UVRAG: variants seen among roughly 807,000 people sequenced by gnomAD.
The protein encoded by UVRAG is UV radiation resistance associated, also known as UV radiation resistance-associated gene protein.
UVRAG carries 19 observed loss-of-function variants against 78.0 expected under a neutral mutation model. The ratio of observed to expected loss-of-function variants is 0.24; its 90% CI spans 0.17 to 0.36. The LOEUF is 0.36. UVRAG is among the 10% of genes least tolerant of loss of function. UVRAG has a pLI of 1.00. For missense variants in UVRAG, 740 were observed against 853.8 expected, an observed-to-expected ratio of 0.87 and a Z score of 1.66; for synonymous variants, 323 against 324.6, an observed-to-expected ratio of 1.00 and a Z score of 0.05.
intron 1 of UVRAG, among the ~76,000 whole-genome samples, chr11:75,844,903 C>T (rs569670368): frequency 1.3e-5 from 2 of 151,820 alleles, no homozygotes; most frequent in African/African-American, 2.4e-5. Flanking sequence ...TGGGCTCAAG[C>T]GATGTGCCCT....
chr11:76,013,524 G>A (rs1565120016), intron 11 of UVRAG, among the ~76,000 whole-genome samples: 1 of 152,082 alleles, frequency 6.6e-6, no homozygotes, highest in South Asian at 2.1e-4. Context: ...TAGGTGTTAG[G>A]GACGTCATTA....
chr11:76,004,344 C>T (rs912580072), intron 9 of UVRAG, among the ~76,000 whole-genome samples: 1 of 152,212 alleles, frequency 6.6e-6, no homozygotes, highest in Non-Finnish European at 1.5e-5. Flanking sequence ...TCTCAGGCCA[C>T]AGCATCGTGG....
At chr11:76,070,214 T>C (rs1240469802) in intron 13 of UVRAG, among the ~76,000 whole-genome samples, 5 of 152,144 alleles carry the variant, frequency 3.3e-5, no homozygotes. Context: ...AGACAAAGAC[T>C]GTATGATCTC....
chr11:75,913,751 A>G (rs1479731099), intron 6 of UVRAG, among the ~76,000 whole-genome samples: 2 of 152,146 alleles, frequency 1.3e-5, no homozygotes, highest in East Asian at 1.9e-4. Context: ...TAATAGTCTC[A>G]CCTTCCTAAA....
At chr11:75,822,151 C>T (rs1239572534) in intron 1 of UVRAG, among the ~76,000 whole-genome samples, 1 of 151,932 alleles carries the variant, frequency 6.6e-6, no homozygotes, top group South Asian at 2.1e-4. Flanking sequence ...ACCATGTTGG[C>T]CAGGCTGGTC....
chr11:76,091,385 G>C (rs774591678), intron 13 of UVRAG, among the ~76,000 whole-genome samples: 1 of 152,050 alleles, frequency 6.6e-6, no homozygotes, highest in East Asian at 1.9e-4. Context: ...GGCACTCAAT[G>C]GATCTTTTTA....
chr11:75,884,216 CTCTCTCTCTCTCTCTCTCTCTCTT>C (rs1370414432), intron 4 of UVRAG, among the ~76,000 whole-genome samples: 1 of 148,940 alleles, frequency 6.7e-6, no homozygotes, highest in Non-Finnish European at 1.5e-5. Flanking sequence ...AGATCAGTCT[CTCTCTCTCTCTCTCTCTCTCTCTT>C]TCTCTCTCTC....
chr11:75,945,970 C>T (rs896103528), intron 6 of UVRAG, among the ~76,000 whole-genome samples: 10 of 151,978 alleles, frequency 6.6e-5, no homozygotes, highest in Admixed American at 1.3e-4. Flanking sequence ...AGCCCTTACC[C>T]GATGCATGCC....
chr11:75,959,533 G>C (rs73493964), intron 6 of UVRAG, among the ~76,000 whole-genome samples: 116 of 152,286 alleles, frequency 7.6e-4, no homozygotes, highest in African/African-American at 2.4e-3. Context: ...TCCTTACTCT[G>C]GATTAGGCTT....
chr11:76,000,994 T>A (rs1404550410), intron 8 of UVRAG, among the ~76,000 whole-genome samples: 1 of 152,218 alleles, frequency 6.6e-6, no homozygotes. Context: ...TTACTATCAA[T>A]TTTCTTCACC....
chr11:76,004,081 T>A lies in UVRAG; in HGVS notation c.903T>A (p.Thr301=). 1.2e-6 allele frequency: 2 copies of A among 1,613,974 alleles called. No homozygotes were observed. The highest frequency in any genetic ancestry group is 1.7e-6 in the Non-Finnish European group (2 of 1,179,912). Residue 301 remains threonine (T), a synonymous_variant, in exon 9 of 15, where the codon ACT becomes ACA. Transcript: ENST00000356136. ...TAAATGAGCTGAGGAAGGAGTGCAC[T>A]GCAAAAAGGTAAATGCACACTGAGA... The part of the protein sequence containing the change: ...ESLNELRKEC[T]AKRELFLKTN...
intron 12 of UVRAG, among the ~76,000 whole-genome samples, chr11:76,057,959 C>T (rs148682724): frequency 9.9e-5 from 15 of 152,066 alleles, no homozygotes; most frequent in African/African-American, 3.1e-4. Flanking sequence ...GAATGAGGCT[C>T]GTGTGGTTTT....
intron 5 of UVRAG, among the ~76,000 whole-genome samples, chr11:75,895,390 T>C (rs942145846): frequency 8.5e-5 from 13 of 152,194 alleles, no homozygotes; most frequent in African/African-American, 3.1e-4. Context: ...TTTACATCTT[T>C]CTGTTGAGTT....
intron 7 of UVRAG, among the ~76,000 whole-genome samples, chr11:75,971,347 C>T (rs948165897): frequency 1.3e-5 from 2 of 152,146 alleles, no homozygotes; most frequent in African/African-American, 2.4e-5. Context: ...TTTTCAGTAT[C>T]CAGGTTAATA....
intron 14 of UVRAG, among the ~76,000 whole-genome samples, chr11:76,123,924 C>T (rs1952336628): frequency 6.6e-6 from 1 of 152,186 alleles, no homozygotes; most frequent in Non-Finnish European, 1.5e-5. Flanking sequence ...CACCACCACG[C>T]CCAGCTAATT....
intron 13 of UVRAG, among the ~76,000 whole-genome samples, chr11:76,082,552 AAAAAAAAC>A (rs1384061507): frequency 2.0e-5 from 3 of 151,588 alleles, no homozygotes; most frequent in African/African-American, 7.3e-5. Flanking sequence ...AAAAAAAAAA[AAAAAAAAC>A]ATAGGTAACA....
In UVRAG at chr11:76,143,184, A is replaced by T. The variant is rs542984278; in HGVS notation, c.*1771A>T. The T allele has an allele frequency of 5.0e-4, 76 of 152,256 alleles. No individual in the cohort carries two copies. The highest frequency in any genetic ancestry group is 1.7e-3 in the African/African-American group (71 of 41,514). 9.4% of individuals were successfully genotyped at this position (152,256 alleles called of 1,614,324 possible). On this transcript the variant is annotated 3_prime_UTR_variant, in exon 15 of 15. Transcript: ENST00000356136. ...CCTCCAGGGAAGTAACATTTACCAA[A>T]AAAAAAGAAAAGTTCTGAAGGGCAG...
chr11:76,100,989 T>A (rs183103653), intron 13 of UVRAG, among the ~76,000 whole-genome samples: 170 of 152,322 alleles, frequency 1.1e-3, no homozygotes, highest in African/African-American at 3.1e-3. Flanking sequence ...TGTACCACAT[T>A]TTCTTTATGC....
intron 13 of UVRAG, 22 bp downstream of exon 13, chr11:76,065,810 C>G (rs572412182): frequency 6.2e-7 from 1 of 1,606,954 alleles, no homozygotes. Context: ...TTCTTCACTT[C>G]TCTCCTACTT....
Sources: allele counts gnomAD v4.1 joint callset (sites outside exome capture counted in the v4.1 genomes callset), GRCh38; gene constraint gnomAD v4.1.1; transcripts MANE v1.5; gene names NCBI Gene and HGNC (gene_info 2026-07-23, HGNC 2026-07-21).